The following PTPN5 variants were observed in gnomAD, a reference collection of about 807,000 sequenced individuals.
PTPN5 encodes the protein protein tyrosine phosphatase non-receptor type 5, also known as tyrosine-protein phosphatase non-receptor type 5.
PTPN5 carries 29 observed loss-of-function variants against 73.9 expected under a neutral mutation model. That is an observed-to-expected ratio of 0.39 (90% CI 0.29 to 0.54). The LOEUF is 0.54. Ranked by LOEUF, PTPN5 falls within the 20% of genes least tolerant of loss-of-function variation. PTPN5 has a pLI of 0.65. For synonymous variants in PTPN5, 267 were observed against 304.7 expected, an observed-to-expected ratio of 0.88 and a Z score of 1.29; for missense variants, 652 against 751.4, an observed-to-expected ratio of 0.87 and a Z score of 1.55.
At chr11:18,746,156 AATATAAATATATATAT>A (rs1468338359) in intron 3 of PTPN5, among the ~76,000 whole-genome samples, 4 of 69,636 alleles carry the variant, frequency 5.7e-5, no homozygotes, top group African/African-American at 1.9e-4. Flanking sequence ...AGCTGTTATA[AATATAAATATATATAT>A]ATATATATAT....
At chr11:18,761,549 TGAGG>T (rs1478196003) in intron 3 of PTPN5, among the ~76,000 whole-genome samples, 1 of 151,592 alleles carries the variant, frequency 6.6e-6, no homozygotes, top group Non-Finnish European at 1.5e-5. Context: ...GGTGTGTGCA[TGAGG>T]GAGAAGAAAA....
chr11:18,779,342 G>A (rs1451170666), intron 1 of PTPN5, among the ~76,000 whole-genome samples: 1 of 150,828 alleles, frequency 6.6e-6, no homozygotes, highest in Non-Finnish European at 1.5e-5. Flanking sequence ...AGCTGGATTT[G>A]AGGCTCTTTT....
intron 3 of PTPN5, among the ~76,000 whole-genome samples, chr11:18,753,910 A>G (rs1263707296): frequency 6.6e-6 from 1 of 152,186 alleles, no homozygotes; most frequent in Non-Finnish European, 1.5e-5. Flanking sequence ...AAAGAACAAG[A>G]TTTAACACAG....
In PTPN5 at chr11:18,743,000, T is replaced by C. The variant is rs1367011002; in HGVS notation, c.475A>G (p.Thr159Ala). 1 of 1,550,480 alleles carries C rather than the reference T, an allele frequency of 6.4e-7. No homozygotes were observed. Among genetic ancestry groups the C allele is most frequent in the Admixed American group, 2.0e-5 (1 of 51,000 alleles). Residue 159 changes from threonine (T) to alanine (A), a missense_variant, in exon 6 of 15, where the codon ACC becomes GCC. Thr to Ala is a moderately conservative substitution (Grantham distance 58, BLOSUM62 0). Transcript: ENST00000358540. The surrounding 1 kb of genome is among the most constrained non-coding windows in gnomAD (Gnocchi z 4.1). ...VFLSVGLVLVTTLVWHLLRTP... is the reference protein window; with the variant it reads ...VFLSVGLVLVATLVWHLLRTP... ...GTCAGGAGGCGCCTTACCAGGGTGGTAACGAGGACCAGGCCCACGGACAGA... is the reference window on the plus strand; with the variant it reads ...GTCAGGAGGCGCCTTACCAGGGTGGCAACGAGGACCAGGCCCACGGACAGA...
intron 4 of PTPN5, 39 bp downstream of exon 4, chr11:18,743,967 C>G (rs766365780): frequency 6.6e-7 from 1 of 1,522,744 alleles, no homozygotes; most frequent in African/African-American, 1.4e-5. Context: ...CTCCACCCAC[C>G]CTCTCTCCAG....
At chr11:18,750,718 A>C (rs1590541074) in intron 3 of PTPN5, among the ~76,000 whole-genome samples, 1 of 152,116 alleles carries the variant, frequency 6.6e-6, no homozygotes, top group Admixed American at 6.5e-5. Context: ...AGCCAGGTAC[A>C]TTGTCAGTCT....
chr11:18,733,867 A>G lies in PTPN5; in HGVS notation c.1001-232T>C, dbSNP rs1373035241. 6.6e-6 allele frequency among the ~76,000 whole-genome samples: 1 copy of G among 152,188 alleles called. No individual in the cohort carries two copies. Among genetic ancestry groups the G allele is most frequent in the African/African-American group, 2.4e-5 (1 of 41,446 alleles). ...TCCCCGGGTCTCTACCTCTGTCTCTATCCTTAGCCTGTGCCTCTTAAGTTG... is the reference window on the plus strand; with the variant it reads ...TCCCCGGGTCTCTACCTCTGTCTCTGTCCTTAGCCTGTGCCTCTTAAGTTG... On this transcript the variant is annotated intron_variant, in intron 9 of 14. Coordinates refer to ENST00000358540, the MANE Select transcript of PTPN5 (RefSeq NM_006906.2). The surrounding 1 kb of genome is among the most constrained non-coding windows in gnomAD (Gnocchi z 4.3).
intron 1 of PTPN5, among the ~76,000 whole-genome samples, chr11:18,781,612 G>A (rs1204427750): frequency 6.6e-6 from 1 of 152,074 alleles, no homozygotes; most frequent in Non-Finnish European, 1.5e-5. Context: ...ACCATGCCCA[G>A]CTCCAACTTT....
At chr11:18,768,542 C>T (rs946546185) in intron 2 of PTPN5, among the ~76,000 whole-genome samples, 2 of 152,248 alleles carry the variant, frequency 1.3e-5, no homozygotes, top group African/African-American at 4.8e-5. Context: ...GTGTGACTCA[C>T]ACCTGCTTTC....
At chr11:18,740,564 G>T in intron 8 of PTPN5, 39 bp downstream of exon 8, 4 of 1,485,860 alleles carry the variant, frequency 2.7e-6, no homozygotes, top group Non-Finnish European at 2.7e-6. Flanking sequence ...ATTGACATGG[G>T]TCTGCACACA....
Position 18,729,445 on chromosome 11 carries a change from G to A in PTPN5, c.1604+8C>T. The A allele has an allele frequency of 7.2e-7, 1 of 1,380,556 alleles. No homozygotes were observed. The highest frequency in any genetic ancestry group is 1.2e-5 in the South Asian group (1 of 86,842). 85.5% of individuals were successfully genotyped at this position (1,380,556 alleles called of 1,614,324 possible). A position where few individuals can be genotyped will look rare whatever the true frequency, so the allele number is the denominator to read the frequency against. ...CTTGTGTGTCCCCACTCCCGCCCGT[G>A]GGCTGACCTGTCCTGACGGAGCTGG... is the stretch of plus-strand genomic sequence containing the variant. On this transcript the variant is annotated splice_region_variant and intron_variant, in intron 14 of 14. Transcript: ENST00000358540. This position sits in a 1 kb window ranked among gnomAD's most constrained non-coding sequence, Gnocchi z 5.2.
intron 12 of PTPN5, among the ~76,000 whole-genome samples, chr11:18,731,902 A>G (rs1297160013): frequency 2.0e-5 from 3 of 152,078 alleles, no homozygotes; most frequent in Non-Finnish European, 4.4e-5. Context: ...GGTTATTACA[A>G]TTACAGCCTT....
intron 1 of PTPN5, among the ~76,000 whole-genome samples, chr11:18,784,052 C>G (rs1041286999): frequency 1.3e-5 from 2 of 152,170 alleles, no homozygotes; most frequent in African/African-American, 4.8e-5. Flanking sequence ...ATTCCTAAGA[C>G]TTCACTCAGT....
chr11:18,783,824 A>G (rs1851550118), intron 1 of PTPN5, among the ~76,000 whole-genome samples: 1 of 152,154 alleles, frequency 6.6e-6, no homozygotes, highest in Non-Finnish European at 1.5e-5. Context: ...CTGGTACAGT[A>G]AATACTTGCA....
rs1245067349 is a variant in PTPN5, at chr11:18,740,752, G to C, written c.766C>G (p.Pro256Ala). 1 of 1,594,072 alleles carries C rather than the reference G, an allele frequency of 6.3e-7. No homozygotes were observed. ...NVSLTLDMCT[P>A]GCNEEGFGYL... ...CCAAAGCCCTCCTCGTTGCAGCCCGGAGTGCACATGTCCAGGGTCAGGGAG... is the reference window on the plus strand; with the variant it reads ...CCAAAGCCCTCCTCGTTGCAGCCCGCAGTGCACATGTCCAGGGTCAGGGAG... The change falls in exon 8 of 15, where the codon CCG becomes GCG. Residue 256 changes from proline to alanine, a missense_variant. Physicochemically the swap from Pro to Ala is conservative, Grantham distance 27. Around this residue, in one of 3 missense-constraint regions of PTPN5, gnomAD observed 529 missense variants for 573.9 expected, o/e 0.92. Coordinates refer to ENST00000358540, the MANE Select transcript of PTPN5 (RefSeq NM_006906.2).
chr11:18,781,572 G>A (rs565205906), intron 1 of PTPN5, among the ~76,000 whole-genome samples: 23 of 152,166 alleles, frequency 1.5e-4, no homozygotes, highest in African/African-American at 5.1e-4. Flanking sequence ...CACCCGCCTC[G>A]GCCTGGTGCT....
chr11:18,741,384 G>C (rs1006811660), intron 7 of PTPN5, among the ~76,000 whole-genome samples: 2 of 152,190 alleles, frequency 1.3e-5, no homozygotes, highest in Non-Finnish European at 2.9e-5. Flanking sequence ...CAGAGTCTCA[G>C]ACACAGGACA....
intron 3 of PTPN5, among the ~76,000 whole-genome samples, chr11:18,746,409 C>T (rs1311314783): frequency 2.0e-5 from 3 of 151,766 alleles, no homozygotes; most frequent in Non-Finnish European, 4.4e-5. Context: ...CCAGGCTGGT[C>T]TTGAACACCT....
intron 3 of PTPN5, among the ~76,000 whole-genome samples, chr11:18,755,290 G>A (rs1345806759): frequency 2.6e-5 from 4 of 152,172 alleles, no homozygotes; most frequent in African/African-American, 9.7e-5. Flanking sequence ...TGCAGCCCTG[G>A]TCAACAACTT....
Sources: gnomAD v4.1 joint callset for allele counts (sites outside exome capture counted in the v4.1 genomes callset) on GRCh38, gnomAD v4.1.1 for gene constraint, gnomAD v4.1.1 regional missense constraint, Gnocchi (gnomAD v3.1) non-coding constraint, MANE v1.5 for transcripts, NCBI Gene and HGNC (gene_info 2026-07-23, HGNC 2026-07-21) for gene names.